Variants in ZNF695 observed in about 807,000 individuals in gnomAD.
The protein encoded by ZNF695 is zinc finger protein 695.
In ZNF695, 11 loss-of-function variants were observed where a neutral mutation model predicts 11.2. The observed-to-expected ratio is 0.98, with a 90% confidence interval of 0.62 to 1.62. The LOEUF (loss-of-function observed/expected upper bound fraction) is 1.62. ZNF695 is among the 40% of genes most tolerant of loss of function. The pLI is 0.00. For synonymous variants in ZNF695, 190 were observed against 201.4 expected (o/e 0.94, Z 0.48); for missense variants, 559 against 590.5 (o/e 0.95, Z 0.55).
intron 5 of ZNF695, among the ~76,000 whole-genome samples, chr1:246,947,665 T>C (rs1049909729): frequency 3.7e-5 from 4 of 108,288 alleles, no homozygotes; most frequent in African/African-American, 1.3e-4. Context: ...ACCACACGTT[T>C]ATTCACAGTC....
In ZNF695 at chr1:246,986,490, G is replaced by C. The variant is rs1668850721; in HGVS notation, c.*477C>G. ...CAGATTTACAGTAATGTCTGAAAGT[G>C]TCAGTGACTTAGTGCTTTTTACTAT... On this transcript the variant is annotated 3_prime_UTR_variant, in exon 4 of 4. Coordinates refer to ENST00000339986, the MANE Select transcript of ZNF695 (RefSeq NM_020394.5). The C allele has an allele frequency of 1.3e-5, 13 of 987,422 alleles. No individual in the cohort carries two copies. Among genetic ancestry groups the C allele is most frequent in the Non-Finnish European group, 1.6e-5 (13 of 831,346 alleles). The allele number at this position is 987,422 out of a possible 1,614,324, so 61.2% of individuals were successfully genotyped here. A position where few individuals can be genotyped will look rare whatever the true frequency, so the allele number is the denominator to read the frequency against.
intron 3 of ZNF695, among the ~76,000 whole-genome samples, chr1:246,996,918 T>A (rs1669229021): frequency 6.6e-6 from 1 of 152,194 alleles, no homozygotes; most frequent in African/African-American, 2.4e-5. Flanking sequence ...GCAAGTAGAT[T>A]TATCTGTAAG....
chr1:246,946,867 C>T (rs909856573), intron 5 of ZNF695, among the ~76,000 whole-genome samples: 4 of 152,080 alleles, frequency 2.6e-5, no homozygotes, highest in East Asian at 3.9e-4. Context: ...GTAGGCTGTG[C>T]GCGGTGGCAC....
At chr1:246,963,630 C>T (rs532156325) in intron 5 of ZNF695, among the ~76,000 whole-genome samples, 3 of 152,070 alleles carry the variant, frequency 2.0e-5, no homozygotes, top group Admixed American at 6.5e-5. Flanking sequence ...GGGGTTATTG[C>T]GATTTTAAAT....
chr1:246,986,772 T>C lies in ZNF695; in HGVS notation c.*195A>G, dbSNP rs1157719052. 23 of 1,331,636 alleles carry C rather than the reference T, an allele frequency of 1.7e-5. No individual in the cohort carries two copies. The highest frequency in any genetic ancestry group is 2.1e-5 in the Non-Finnish European group (22 of 1,047,314). The allele number at this position is 1,331,636 out of a possible 1,614,324, so 82.5% of individuals were successfully genotyped here. ...TGTACAGTAAGAGCTGTGATATAAG[T>C]GGAGGTGTTGAACCGGTCTATTTGT... is the stretch of plus-strand genomic sequence containing the variant. On this transcript the variant is annotated 3_prime_UTR_variant, in exon 4 of 4. Transcript: ENST00000339986.
At chr1:246,957,873 CG>C (rs1279234118) in intron 5 of ZNF695, among the ~76,000 whole-genome samples, 1 of 151,818 alleles carries the variant, frequency 6.6e-6, no homozygotes, top group Non-Finnish European at 1.5e-5. Flanking sequence ...GTCCTACAGA[CG>C]TGAGCCACCA....
intron 4 of ZNF695, among the ~76,000 whole-genome samples, chr1:246,979,500 A>G (rs538722787): frequency 1.3e-5 from 2 of 152,284 alleles, no homozygotes; most frequent in South Asian, 4.2e-4. Flanking sequence ...CGGGCACTAC[A>G]GATCCTTGAG....
chr1:246,956,858 A>T (rs1284116583), intron 5 of ZNF695, among the ~76,000 whole-genome samples: 1 of 152,050 alleles, frequency 6.6e-6, no homozygotes, highest in Non-Finnish European at 1.5e-5. Context: ...ATTTCTTGAG[A>T]TGATAACGTT....
chr1:246,985,319 G>A (rs1371715257), downstream of ZNF695: 18 of 984,026 alleles, frequency 1.8e-5, no homozygotes, highest in East Asian at 1.1e-4. Context: ...AGAAATACAC[G>A]GTCTTTGATT....
chr1:246,997,270 A>C (rs1010680839), intron 3 of ZNF695, among the ~76,000 whole-genome samples: 1 of 152,206 alleles, frequency 6.6e-6, no homozygotes, highest in African/African-American at 2.4e-5. Flanking sequence ...TGGGAGGCTG[A>C]GGCAGGGGGA....
chr1:246,987,458 G>A lies in ZNF695; in HGVS notation c.1057C>T (p.Arg353Ter), dbSNP rs200715527. The A allele has an allele frequency of 1.9e-5, 30 of 1,607,714 alleles. No homozygotes were observed. The highest frequency in any genetic ancestry group is 8.1e-5 in the African/African-American group (6 of 73,950). ...AAGGCTTTTCCACATTCTTCACATC[G>A]GAAGGTTTTCTCTCCAGTATGAATT... ...RRIHTGEKTF[R>*]CEECGKAFNQ... is the part of the protein sequence containing the mutation. Residue 353 changes from arginine (R) to a stop codon, truncating the protein, a stop_gained, in exon 4 of 4, where the codon CGA (arginine) becomes TGA (stop). Coordinates refer to ENST00000339986, the MANE Select transcript of ZNF695 (RefSeq NM_020394.5). LOFTEE classifies it low-confidence loss of function (END_TRUNC).
intron 3 of ZNF695, chr1:246,995,883 CAGTT>C (rs1047042523): frequency 4.6e-5 from 12 of 261,066 alleles, no homozygotes; most frequent in Non-Finnish European, 8.9e-5. Context: ...TAAAGGCAGA[CAGTT>C]AGGTCAATGA....
At chr1:246,990,986 G>A (rs1002827748) in intron 3 of ZNF695, among the ~76,000 whole-genome samples, 3 of 152,040 alleles carry the variant, frequency 2.0e-5, no homozygotes, top group African/African-American at 7.2e-5. Context: ...ATAGTTACAA[G>A]TGCCTACATC....
chr1:246,955,987 T>TA (rs1348895603), intron 5 of ZNF695, among the ~76,000 whole-genome samples: 3 of 129,328 alleles, frequency 2.3e-5, no homozygotes, highest in Admixed American at 2.3e-4. Flanking sequence ...TGGATTGGAT[T>TA]TTTTTTTTTT....
At chr1:246,962,912 T>C (rs147336596) in intron 5 of ZNF695, among the ~76,000 whole-genome samples, 2,537 of 152,192 alleles carry the variant, frequency 0.017, 35 homozygotes, top group African/African-American at 0.038. Flanking sequence ...CTCCTGACCT[T>C]GTGATCCGCC....
Position 246,988,262 on chromosome 1 carries a change from A to C in ZNF695, c.260-7T>G, listed in dbSNP as rs769338937. 3 of 1,531,286 alleles carry C rather than the reference A, an allele frequency of 2.0e-6. No individual in the cohort carries two copies. The African/African-American group carries it at 4.2e-5, about 21-fold the overall frequency. The allele number at this position is 1,531,286 out of a possible 1,614,324, so 94.9% of individuals were successfully genotyped here. A position where few individuals can be genotyped will look rare whatever the true frequency, so the allele number is the denominator to read the frequency against. On this transcript the variant is annotated splice_region_variant and splice_polypyrimidine_tract_variant and intron_variant, in intron 3 of 3. Coordinates refer to ENST00000339986, the MANE Select transcript of ZNF695 (RefSeq NM_020394.5). ...GTAAGATAAGAAGACAAAACTGGAAAAAATAAAAACAACAAATTATTCCAC... is the reference window on the plus strand; with the variant it reads ...GTAAGATAAGAAGACAAAACTGGAACAAATAAAAACAACAAATTATTCCAC...
intron 3 of ZNF695, among the ~76,000 whole-genome samples, chr1:246,995,326 C>T (rs187242396): frequency 1.4e-4 from 21 of 152,318 alleles, no homozygotes; most frequent in Admixed American, 9.8e-4. Flanking sequence ...TGAGCATGTT[C>T]TTCATGGGCT....
intron 5 of ZNF695, among the ~76,000 whole-genome samples, chr1:246,963,929 C>A (rs1043373072): frequency 1.3e-5 from 2 of 152,348 alleles, no homozygotes; most frequent in African/African-American, 4.8e-5. Flanking sequence ...AGGCTGTACA[C>A]TGGAGTTCCC....
In ZNF695 at chr1:246,987,311, G is replaced by A; in HGVS notation, c.1204C>T (p.His402Tyr). ...FSYLIQHKRI[H>Y]TGQKPYKCEE... Reference sequence around the variant, plus strand: ...CATTTGTAGGGTTTCTGCCCAGTATGAATTCTCTTATGCTGAATAAGGTAT... The same window carrying A: ...CATTTGTAGGGTTTCTGCCCAGTATAAATTCTCTTATGCTGAATAAGGTAT... Residue 402 changes from histidine to tyrosine, a missense_variant, in exon 4 of 4, where the codon CAT becomes TAT. Transcript: ENST00000339986. 6 of 1,613,760 alleles carry A rather than the reference G, an allele frequency of 3.7e-6. No individual in the cohort carries two copies. The highest frequency in any genetic ancestry group is 5.1e-6 in the Non-Finnish European group (6 of 1,179,950).
Sources: gnomAD v4.1 joint callset for allele counts (sites outside exome capture counted in the v4.1 genomes callset) on GRCh38, gnomAD v4.1.1 for gene constraint, MANE v1.5 for transcripts, NCBI Gene and HGNC (gene_info 2026-07-23, HGNC 2026-07-21) for gene names.